The following TCF4 variants were observed in gnomAD, a reference collection of about 807,000 sequenced individuals.
TCF4 encodes the protein transcription factor 4.
Under a neutral mutation model 82.1 loss-of-function variants are expected in TCF4, and 3 were observed. The observed-to-expected ratio is 0.04, with a 90% confidence interval of 0.02 to 0.09. The LOEUF is 0.09. TCF4 is among the 10% of genes least tolerant of loss of function. TCF4 has a pLI of 1.00. For synonymous variants in TCF4, 276 were observed against 309.6 expected, an observed-to-expected ratio of 0.89 and a Z score of 1.14; for missense variants, 518 against 852.7, an observed-to-expected ratio of 0.61 and a Z score of 4.89.
upstream of TCF4, chr18:55,588,220 T>A: frequency 2.2e-6 from 3 of 1,365,256 alleles, no homozygotes; most frequent in Non-Finnish European, 9.4e-7. Context: ...CCCTGACTCT[T>A]AACACCAACT....
At chr18:55,319,288 TC>T (rs1466667583) in intron 8 of TCF4, among the ~76,000 whole-genome samples, 2 of 152,152 alleles carry the variant, frequency 1.3e-5, no homozygotes, top group Non-Finnish European at 2.9e-5. Flanking sequence ...TGGCACCAAA[TC>T]AAAAGCCACT....
In TCF4 at chr18:55,346,565, T is replaced by A. The variant is rs569071635; in HGVS notation, c.549+3794A>T. On this transcript the variant is annotated intron_variant, in intron 8 of 19. Coordinates refer to ENST00000354452, the MANE Select transcript of TCF4 (RefSeq NM_001083962.2). ...ATAAACTATTTCTAAGGATAAAATA[T>A]CCTATTTCCAGAAAAATCTGATGTT... Among the ~76,000 whole-genome samples the A allele has an allele frequency of 5.3e-5, 8 of 152,242 alleles. No homozygotes were observed. In the South Asian group the frequency reaches 1.5e-3, roughly 28 times the overall value.
At chr18:55,600,673 A>G (rs1170550916) in intron 2 of TCF4, among the ~76,000 whole-genome samples, 2 of 152,316 alleles carry the variant, frequency 1.3e-5, no homozygotes, top group East Asian at 3.9e-4. Context: ...TTTGCCACCC[A>G]GATAGGTTCT....
chr18:55,592,640 T>C (rs560478014), upstream of TCF4, among the ~76,000 whole-genome samples: 1 of 152,246 alleles, frequency 6.6e-6, no homozygotes, highest in South Asian at 2.1e-4. Context: ...ACATGACTCC[T>C]TCTTGCCCCA....
intron 5 of TCF4, among the ~76,000 whole-genome samples, chr18:55,460,267 T>C (rs530803138): frequency 6.6e-6 from 1 of 152,164 alleles, no homozygotes; most frequent in Non-Finnish European, 1.5e-5. Flanking sequence ...CTTTTTTTTT[T>C]TCAATCAAAA....
chr18:55,378,420 T>C (rs2091273465), intron 6 of TCF4, among the ~76,000 whole-genome samples: 1 of 152,194 alleles, frequency 6.6e-6, no homozygotes, highest in African/African-American at 2.4e-5. Flanking sequence ...ATGAAGAAGG[T>C]GCTCACATTA....
At chr18:55,237,865 A>T (rs1461898522) in intron 15 of TCF4, among the ~76,000 whole-genome samples, 2 of 152,184 alleles carry the variant, frequency 1.3e-5, no homozygotes, top group Admixed American at 1.3e-4. Flanking sequence ...CAGAAACATT[A>T]TTTCTGGTCA....
chr18:55,350,756 A>C (rs2082161427), intron 7 of TCF4, 118 bp downstream of exon 7: 2 of 1,490,588 alleles, frequency 1.3e-6, no homozygotes, highest in East Asian at 4.7e-5. Flanking sequence ...AACTGAGCCA[A>C]ATTTTATGGT....
At chr18:55,289,459 C>T (rs1174895190) in intron 8 of TCF4, among the ~76,000 whole-genome samples, 2 of 152,162 alleles carry the variant, frequency 1.3e-5, no homozygotes, top group African/African-American at 4.8e-5. Context: ...TATCTTAAAT[C>T]TTAAACAGAT....
intron 5 of TCF4, among the ~76,000 whole-genome samples, chr18:55,431,425 AC>A (rs1419171914): frequency 2.0e-5 from 3 of 152,056 alleles, no homozygotes; most frequent in Non-Finnish European, 4.4e-5. Flanking sequence ...GATTACAGGC[AC>A]CTGCCACCAA....
At chr18:55,579,160 T>A (rs2097554400) in intron 3 of TCF4, among the ~76,000 whole-genome samples, 1 of 151,438 alleles carries the variant, frequency 6.6e-6, no homozygotes, top group African/African-American at 2.4e-5. Context: ...TTATTTCTCT[T>A]ATATCTCTCT....
intron 12 of TCF4, chr18:55,261,213 A>G: frequency 1.9e-6 from 1 of 529,788 alleles, no homozygotes; most frequent in South Asian, 2.2e-5. Context: ...ATAAACCCAA[A>G]GACCAGGAGA....
At chr18:55,463,915 T>C (rs903880677) in intron 4 of TCF4, among the ~76,000 whole-genome samples, 161 bp downstream of exon 4, 1 of 151,698 alleles carries the variant, frequency 6.6e-6, no homozygotes, top group Non-Finnish European at 1.5e-5. Flanking sequence ...CATATATGCG[T>C]GTGTGTTTGT....
intron 5 of TCF4, among the ~76,000 whole-genome samples, chr18:55,432,384 A>C (rs1158788428): frequency 2.0e-5 from 3 of 152,048 alleles, no homozygotes; most frequent in Non-Finnish European, 4.4e-5. Flanking sequence ...CTCTTCATGA[A>C]GTAAGTAGCA....
intron 3 of TCF4, among the ~76,000 whole-genome samples, chr18:55,472,995 C>G (rs1196117438): frequency 6.6e-6 from 1 of 152,152 alleles, no homozygotes; most frequent in Non-Finnish European, 1.5e-5. Context: ...ATATATACCT[C>G]TGATAATGTC....
rs149898726 is a variant in TCF4 at position 55,431,469 on chromosome 18, G to A, written c.305-27951C>T. On this transcript the variant is annotated intron_variant, in intron 5 of 19. Coordinates refer to ENST00000354452, the MANE Select transcript of TCF4 (RefSeq NM_001083962.2). Reference sequence around the variant, plus strand: ...TAATTTTTGTATTTTTAGTAGAGACGGGGTTTCACCACGTTGGCCAAGCTG... The same window carrying A: ...TAATTTTTGTATTTTTAGTAGAGACAGGGTTTCACCACGTTGGCCAAGCTG... Among the ~76,000 whole-genome samples the A allele has an allele frequency of 9.4e-3, 1,435 of 152,126 alleles. 12 individuals are homozygous for A. Among genetic ancestry groups the A allele is most frequent in the Non-Finnish European group, 0.017 (1,126 of 67,986 alleles).
rs562599564 is a variant in TCF4, at chr18:55,534,202, T to C, written c.145+51078A>G. Among the ~76,000 whole-genome samples, 9 of 152,344 alleles carry C rather than the reference T, an allele frequency of 5.9e-5. No homozygotes were observed. The South Asian group carries it at 8.3e-4, about 14-fold the overall frequency. Reference sequence around the variant, plus strand: ...AAAAAGCAAAGGTGTCACTATCTCATGTCAGTGTTCAAAGGTTTTGGAATT... The same window carrying C: ...AAAAAGCAAAGGTGTCACTATCTCACGTCAGTGTTCAAAGGTTTTGGAATT... On this transcript the variant is annotated intron_variant, in intron 3 of 19. Coordinates refer to ENST00000354452, the MANE Select transcript of TCF4 (RefSeq NM_001083962.2).
intron 3 of TCF4, among the ~76,000 whole-genome samples, chr18:55,471,765 CA>C (rs11338618): frequency 0.44 from 57,722 of 131,316 alleles, 11,468 homozygotes; most frequent in Middle Eastern, 0.52. Context: ...GACTCTGTCT[CA>C]AAAAAAAAAA....
chr18:55,401,809 A>G (rs1174412348), intron 6 of TCF4: 1 of 984,122 alleles, frequency 1.0e-6, no homozygotes, highest in Admixed American at 6.2e-5. Context: ...GGGGTGAGGA[A>G]GCCTATTCTC....
Sources: gnomAD v4.1 joint callset for allele counts (sites outside exome capture counted in the v4.1 genomes callset) on GRCh38, gnomAD v4.1.1 for gene constraint, MANE v1.5 for transcripts, NCBI Gene and HGNC (gene_info 2026-07-23, HGNC 2026-07-21) for gene names.